The following WDPCP variants were observed in gnomAD, a reference collection of about 807,000 sequenced individuals.
WDPCP encodes WD repeat containing planar cell polarity effector.
A neutral mutation model predicts 93.1 loss-of-function variants in WDPCP; 71 were observed. The observed-to-expected ratio is 0.76, with a 90% CI of 0.63 to 0.93. The LOEUF (loss-of-function observed/expected upper bound fraction) is 0.93. WDPCP is among the 40% of genes least tolerant of loss of function. The probability of loss-of-function intolerance (pLI) is 0.00; values close to 1 mark genes in which losing one functional copy is unlikely to be tolerated. For missense variants in WDPCP, 844 were observed against 887.4 expected, an observed-to-expected ratio of 0.95 and a Z score of 0.62; for synonymous variants, 315 against 315.0, an observed-to-expected ratio of 1.00 and a Z score of 0.00.
intron 2 of WDPCP, among the ~76,000 whole-genome samples, chr2:63,703,806 C>T (rs1440424784): frequency 6.6e-6 from 1 of 152,112 alleles, no homozygotes; most frequent in Admixed American, 6.5e-5. Flanking sequence ...TACATATGAA[C>T]ATTAAAGTAG....
rs183788177 is a variant in WDPCP, at chr2:63,133,538, T to A, written c.2191-11482A>T. Among the ~76,000 whole-genome samples the A allele has an allele frequency of 4.7e-3, 710 of 152,272 alleles. 24 individuals are homozygous for A. The highest frequency in any genetic ancestry group is 0.044 in the Admixed American group (666 of 15,294). On this transcript the variant is annotated intron_variant, in intron 17 of 17. Coordinates refer to ENST00000272321, the MANE Select transcript of WDPCP (RefSeq NM_015910.7). ...GTGGGACCAGGTGGAGGTAACTGAA[T>A]CATGGGGGCAGTTTTCCCCATGCCG...
intron 14 of WDPCP, among the ~76,000 whole-genome samples, chr2:63,214,601 T>C (rs973904310): frequency 1.6e-4 from 25 of 152,094 alleles, no homozygotes; most frequent in African/African-American, 5.8e-4. Context: ...CTATTCAACA[T>C]AGTGTTGGAA....
chr2:63,725,976 T>C (rs770703984), intron 2 of WDPCP, among the ~76,000 whole-genome samples: 5 of 152,206 alleles, frequency 3.3e-5, no homozygotes, highest in Non-Finnish European at 7.4e-5. Flanking sequence ...AAATATTTTC[T>C]CCCATTCTGT....
At chr2:63,717,689 G>C (rs1174942925) in intron 2 of WDPCP, 2 of 484,812 alleles carry the variant, frequency 4.1e-6, no homozygotes, top group African/African-American at 2.0e-5. Flanking sequence ...AGCAGGGCAA[G>C]GCCAAGAATC....
chr2:63,350,817 T>G (rs1558504965), intron 12 of WDPCP, among the ~76,000 whole-genome samples: 1 of 152,150 alleles, frequency 6.6e-6, no homozygotes, highest in Non-Finnish European at 1.5e-5. Context: ...CTATGGTGCT[T>G]TGTTTACCTA....
intron 14 of WDPCP, among the ~76,000 whole-genome samples, chr2:63,208,027 A>AT (rs1381945839): frequency 3.9e-5 from 6 of 151,932 alleles, no homozygotes; most frequent in Admixed American, 1.3e-4. Flanking sequence ...TTCTAACATG[A>AT]TTTTTTTGTT....
At chr2:63,321,424 G>GTA (rs1390236918) in intron 12 of WDPCP, among the ~76,000 whole-genome samples, 1 of 126,162 alleles carries the variant, frequency 7.9e-6, no homozygotes, top group African/African-American at 3.1e-5. Flanking sequence ...GTGTGTGTGT[G>GTA]TATCCACCCA....
chr2:63,792,995 G>A (rs1670565441), intron 2 of WDPCP, among the ~76,000 whole-genome samples: 1 of 151,764 alleles, frequency 6.6e-6, no homozygotes, highest in African/African-American at 2.4e-5. Flanking sequence ...CTACTCAAGA[G>A]GTATGCTCTC....
At chr2:63,371,504 G>A (rs10167849) in intron 12 of WDPCP, among the ~76,000 whole-genome samples, 80,908 of 151,794 alleles carry the variant, frequency 0.53, 21,957 homozygotes, top group Admixed American at 0.62. Context: ...AATCTACAAA[G>A]TCCTGTATGA....
intron 1 of WDPCP, among the ~76,000 whole-genome samples, chr2:63,530,391 G>A (rs1055732710): frequency 1.3e-5 from 2 of 152,150 alleles, no homozygotes; most frequent in African/African-American, 4.8e-5. Flanking sequence ...AGAGATTCTG[G>A]TATGCTGTGT....
chr2:63,692,226 A>C (rs546210327), intron 2 of WDPCP, among the ~76,000 whole-genome samples: 1 of 152,236 alleles, frequency 6.6e-6, no homozygotes, highest in South Asian at 2.1e-4. Flanking sequence ...GCAACAACAA[A>C]AAAAATCACG....
chr2:63,296,367 C>T (rs1169992410), intron 13 of WDPCP, among the ~76,000 whole-genome samples: 1 of 152,164 alleles, frequency 6.6e-6, no homozygotes, highest in Non-Finnish European at 1.5e-5. Context: ...TGCAAGCATT[C>T]CCCCTTAAAA....
At chr2:63,246,180 T>A (rs1265996831) in intron 14 of WDPCP, among the ~76,000 whole-genome samples, 1 of 152,168 alleles carries the variant, frequency 6.6e-6, no homozygotes, top group Non-Finnish European at 1.5e-5. Flanking sequence ...ATAAACTTGC[T>A]ATGATAGGCA....
At chr2:63,163,114 C>T (rs576521965) in intron 15 of WDPCP, among the ~76,000 whole-genome samples, 3 of 152,180 alleles carry the variant, frequency 2.0e-5, no homozygotes, top group African/African-American at 7.2e-5. Flanking sequence ...ACTCAATAAG[C>T]TTTAGTGGAT....
At chr2:63,397,078 G>A (rs1410223597) in intron 10 of WDPCP, among the ~76,000 whole-genome samples, 1 of 152,132 alleles carries the variant, frequency 6.6e-6, no homozygotes, top group Non-Finnish European at 1.5e-5. Context: ...CTGCGGAGTA[G>A]GATGACAAGA....
chr2:63,578,216 C>T (rs1708246483), intron 1 of WDPCP, among the ~76,000 whole-genome samples: 1 of 152,096 alleles, frequency 6.6e-6, no homozygotes. Context: ...TACTGGAAAT[C>T]CTTGTCCCAG....
chr2:63,523,032 G>C (rs1229076036), intron 1 of WDPCP, among the ~76,000 whole-genome samples: 1 of 152,146 alleles, frequency 6.6e-6, no homozygotes, highest in African/African-American at 2.4e-5. Flanking sequence ...CAATATCCTT[G>C]ATGAACAGAG....
intron 15 of WDPCP, among the ~76,000 whole-genome samples, chr2:63,168,439 C>T (rs944806837): frequency 2.0e-5 from 3 of 152,052 alleles, no homozygotes; most frequent in African/African-American, 7.2e-5. Flanking sequence ...TCTTACAGTA[C>T]ATAGCTGGAT....
At chr2:63,222,621 A>G (rs1677937569) in intron 14 of WDPCP, among the ~76,000 whole-genome samples, 1 of 152,192 alleles carries the variant, frequency 6.6e-6, no homozygotes. Context: ...TTTGCAGACT[A>G]TGCTTAAGGC....
Sources: allele counts gnomAD v4.1 joint callset (sites outside exome capture counted in the v4.1 genomes callset), GRCh38; gene constraint gnomAD v4.1.1; transcripts MANE v1.5; gene names NCBI Gene and HGNC (gene_info 2026-07-23, HGNC 2026-07-21).